The following RGS12 variants were observed in gnomAD, a reference collection of about 807,000 sequenced individuals.
RGS12 encodes regulator of G-protein signaling 12.
In RGS12, 66 loss-of-function variants were observed where a neutral mutation model predicts 120.1. The ratio of observed to expected loss-of-function variants is 0.55; its 90% CI spans 0.45 to 0.67. The LOEUF is 0.67. Among genes scored for constraint, RGS12 ranks in the 30% least tolerant of loss-of-function variants. The pLI, the probability that RGS12 is intolerant of heterozygous loss-of-function variation, is 0.00. For synonymous variants in RGS12, 827 were observed against 804.7 expected, an observed-to-expected ratio of 1.03 and a Z score of -0.47; for missense variants, 1,859 against 1,957.7, an observed-to-expected ratio of 0.95 and a Z score of 0.95.
chr4:3,432,821 G>C (rs187748908), intron 17 of RGS12, among the ~76,000 whole-genome samples: 24 of 152,348 alleles, frequency 1.6e-4, no homozygotes, highest in African/African-American at 5.3e-4. Context: ...CCTAGGAGGA[G>C]ACCCAGTGAG....
At chr4:3,351,510 A>G (rs1229977423) in intron 3 of RGS12, among the ~76,000 whole-genome samples, 1 of 152,164 alleles carries the variant, frequency 6.6e-6, no homozygotes, top group Non-Finnish European at 1.5e-5. Context: ...GTTGGTTGCC[A>G]TAGATTTGGC....
rs1724205068 is a variant in RGS12, at chr4:3,430,786, G to A, written c.3945G>A (p.Gln1315=). ...PVSLAQEGTA[Q]IWKRQSQEVE... ...CCCTCGCGCAGGAGGGCACCGCCCA[G>A]ATCTGGAAGAGGCAGTCTCAGGAAG... is the stretch of plus-strand genomic sequence containing the variant. The change falls in exon 17 of 18, where the codon CAG becomes CAA. Residue 1315 remains glutamine (Q), a synonymous_variant. Coordinates refer to ENST00000336727, the MANE Select transcript of RGS12 (RefSeq NM_001394154.1). The A allele has an allele frequency of 6.2e-7, 1 of 1,611,702 alleles. No homozygotes were observed. Among genetic ancestry groups the A allele is most frequent in the South Asian group, 1.1e-5 (1 of 90,922 alleles).
Position 3,425,566 on chromosome 4 carries a change from T to C in RGS12, c.3331+6T>C, listed in dbSNP as rs1723522131. The C allele has an allele frequency of 1.9e-6, 3 of 1,597,470 alleles. No homozygotes were observed. The highest frequency in any genetic ancestry group is 1.7e-6 in the Non-Finnish European group (2 of 1,173,672). On this transcript the variant is annotated splice_donor_region_variant and intron_variant, in intron 14 of 17. Coordinates refer to ENST00000336727, the MANE Select transcript of RGS12 (RefSeq NM_001394154.1). ...GGATCCTTCCAGAGGAAAGGGTGAG[T>C]AGGGCTGGTGCAGCGGATGGGGAGA...
At chr4:3,353,480 G>A (rs1714569910) in intron 3 of RGS12, among the ~76,000 whole-genome samples, 1 of 152,176 alleles carries the variant, frequency 6.6e-6, no homozygotes, top group South Asian at 2.1e-4. Flanking sequence ...ACTGGTATGA[G>A]TTAACTTGGG....
intron 3 of RGS12, among the ~76,000 whole-genome samples, chr4:3,353,709 G>T (rs1714602541): frequency 6.6e-6 from 1 of 152,124 alleles, no homozygotes; most frequent in Admixed American, 6.5e-5. Context: ...GTCATTTCAT[G>T]TATATATTTG....
At position 3,390,297 on chromosome 4, in the gene RGS12, G is replaced by A. The variant is rs943183909; in HGVS notation, c.2020+3860G>A. 2.6e-5 allele frequency among the ~76,000 whole-genome samples: 4 copies of A among 152,154 alleles called. No homozygotes were observed. The East Asian group carries it at 7.7e-4, about 29-fold the overall frequency. ...ATCATTTTAATTATTCATCTGTGTT[G>A]GTGCTTTTGTCCCCCCAGCTGGTGT... On this transcript the variant is annotated intron_variant, in intron 4 of 17. Coordinates refer to ENST00000336727, the MANE Select transcript of RGS12 (RefSeq NM_001394154.1). The surrounding 1 kb of genome is among the most constrained non-coding windows in gnomAD (Gnocchi z 4.6).
chr4:3,376,064 G>A (rs16843151), intron 3 of RGS12, among the ~76,000 whole-genome samples: 3,797 of 152,304 alleles, frequency 0.025, 156 homozygotes, highest in African/African-American at 0.083. Flanking sequence ...AAAGTCAGAT[G>A]GCCCCTACTG....
Position 3,422,998 on chromosome 4 carries a change from C to A in RGS12, c.3107+20C>A, listed in dbSNP as rs764019971. The stretch of plus-strand genomic sequence containing the variant: ...GTTTCGGTAAGAGGAAGATCGCTGT[C>A]ATTCACCTGAGGCTCCCAGAGCCAA... On this transcript the variant is annotated intron_variant, in intron 12 of 17. Transcript: ENST00000336727. 19 of 1,607,134 alleles carry A rather than the reference C, an allele frequency of 1.2e-5. No individual in the cohort carries two copies. Among genetic ancestry groups the A allele is most frequent in the Middle Eastern group, 3.3e-4 (2 of 6,072 alleles).
intron 2 of RGS12, among the ~76,000 whole-genome samples, chr4:3,334,412 A>T (rs1712215417): frequency 6.6e-6 from 1 of 152,148 alleles, no homozygotes; most frequent in African/African-American, 2.4e-5. Flanking sequence ...TTATACACTG[A>T]TGTATTTGGT....
At chr4:3,315,813 A>G (rs1431295145) in intron 1 of RGS12, among the ~76,000 whole-genome samples, 1 of 152,244 alleles carries the variant, frequency 6.6e-6, no homozygotes, top group East Asian at 1.9e-4. Flanking sequence ...GCTGGGAAGC[A>G]GTCCTGCATC....
intron 1 of RGS12, among the ~76,000 whole-genome samples, chr4:3,304,426 A>C: frequency 6.6e-6 from 1 of 152,174 alleles, no homozygotes; most frequent in Non-Finnish European, 1.5e-5. Flanking sequence ...GTTAGTGGAA[A>C]CGTGAGCTTT....
chr4:3,310,627 G>T (rs1463350767), intron 1 of RGS12, among the ~76,000 whole-genome samples: 1 of 152,186 alleles, frequency 6.6e-6, no homozygotes, highest in Non-Finnish European at 1.5e-5. Context: ...GGGATGGCCA[G>T]TGCGGGTCTG....
intron 4 of RGS12, among the ~76,000 whole-genome samples, chr4:3,388,052 T>C (rs1719040046): frequency 6.6e-6 from 1 of 152,096 alleles, no homozygotes; most frequent in South Asian, 2.1e-4. Context: ...TGGCTCTGTG[T>C]GTCCCTCTGA....
At chr4:3,355,794 CAAA>C (rs372490658) in intron 3 of RGS12, among the ~76,000 whole-genome samples, 5 of 58,074 alleles carry the variant, frequency 8.6e-5, no homozygotes, top group Middle Eastern at 0.013. Context: ...GACCTTGTCT[CAAA>C]AAAAAAAAAA....
At chr4:3,338,831 C>T (rs1343730598) in intron 2 of RGS12, among the ~76,000 whole-genome samples, 1 of 152,110 alleles carries the variant, frequency 6.6e-6, no homozygotes, top group Non-Finnish European at 1.5e-5. Flanking sequence ...TGTTGTTTTC[C>T]CTGTTTAGTA....
At chr4:3,318,827 C>G (rs1724985641) in intron 2 of RGS12, among the ~76,000 whole-genome samples, 1 of 152,354 alleles carries the variant, frequency 6.6e-6, no homozygotes, top group South Asian at 2.1e-4. Context: ...AGGACTTCCT[C>G]CAGCCAGAGG....
chr4:3,432,347 C>A, intron 17 of RGS12: 1 of 245,814 alleles, frequency 4.1e-6, no homozygotes, highest in Non-Finnish European at 6.5e-6. Flanking sequence ...TCTTGAGCAC[C>A]TGGTGTGCTC....
chr4:3,424,896 C>T (rs1027222678), intron 13 of RGS12, among the ~76,000 whole-genome samples: 4 of 152,204 alleles, frequency 2.6e-5, no homozygotes, highest in Non-Finnish European at 4.4e-5. Flanking sequence ...GAGCCTCTCC[C>T]GCCTGGCATT....
intron 3 of RGS12, among the ~76,000 whole-genome samples, chr4:3,360,476 A>G (rs1277221433): frequency 1.3e-5 from 2 of 150,294 alleles, no homozygotes; most frequent in Admixed American, 6.6e-5. Flanking sequence ...TTGATTTGAG[A>G]TCTTTTAAAT....
Sources: gnomAD v4.1 joint callset for allele counts (sites outside exome capture counted in the v4.1 genomes callset) on GRCh38, gnomAD v4.1.1 for gene constraint, Gnocchi (gnomAD v3.1) non-coding constraint, MANE v1.5 for transcripts, NCBI Gene and HGNC (gene_info 2026-07-23, HGNC 2026-07-21) for gene names.